Variants in SCFD2 observed in about 807,000 individuals in gnomAD.
SCFD2 encodes sec1 family domain containing 2, also known as sec1 family domain-containing protein 2.
A neutral mutation model predicts 58.9 loss-of-function variants in SCFD2; 54 were observed. That is an observed-to-expected ratio of 0.92 (90% CI 0.74 to 1.15). The LOEUF is 1.15. Ranked by LOEUF, SCFD2 falls within the 50% of genes most tolerant of loss-of-function variation. SCFD2 has a pLI of 0.00. For missense variants in SCFD2, 805 were observed against 836.6 expected, an observed-to-expected ratio of 0.96 and a Z score of 0.47; for synonymous variants, 321 against 335.9, an observed-to-expected ratio of 0.96 and a Z score of 0.49.
intron 4 of SCFD2, among the ~76,000 whole-genome samples, chr4:53,150,359 G>A (rs1445485540): frequency 6.6e-6 from 1 of 152,132 alleles, no homozygotes; most frequent in East Asian, 1.9e-4. Flanking sequence ...GAGGCAGGGT[G>A]GTCATCTGCC....
rs568506524 is a variant in SCFD2, at chr4:53,178,665, T to C, written c.1312-33083A>G. Among the ~76,000 whole-genome samples the C allele has an allele frequency of 1.8e-3, 269 of 151,844 alleles. 1 individual carries two copies. The highest frequency in any genetic ancestry group is 3.2e-3 in the Non-Finnish European group (216 of 67,958). On this transcript the variant is annotated intron_variant, in intron 4 of 8. Transcript: ENST00000401642. ...CTGGACGGAGAATGACTTTGACGAG[T>C]TGAGAGAAGAAGCCTTCAGACTATC...
At chr4:53,345,792 T>G (rs1173512006) in intron 2 of SCFD2, among the ~76,000 whole-genome samples, 1 of 152,188 alleles carries the variant, frequency 6.6e-6, no homozygotes, top group Non-Finnish European at 1.5e-5. Context: ...TTCATGTCCT[T>G]TTCAGGGACA....
chr4:53,000,086 T>C (rs1446663699), intron 5 of SCFD2, among the ~76,000 whole-genome samples: 1 of 152,180 alleles, frequency 6.6e-6, no homozygotes, highest in Non-Finnish European at 1.5e-5. Flanking sequence ...TAGCAGATGC[T>C]CACTAAATGG....
rs56129853 is a variant in SCFD2, at chr4:53,257,108, A to AACAC, written c.1311+16714_1311+16717dup. Reference sequence around the variant, plus strand: ...CATGCGCCCCTGAACCTAAAAGTGTAACACACACACACACACACGAAGCCA... The same window carrying AACAC: ...CATGCGCCCCTGAACCTAAAAGTGTAACACACACACACACACACACACGAAGCCA... On this transcript the variant is annotated intron_variant, in intron 4 of 8. Coordinates refer to ENST00000401642, the MANE Select transcript of SCFD2 (RefSeq NM_152540.4). 2.2e-3 allele frequency among the ~76,000 whole-genome samples: 337 copies of AACAC among 150,428 alleles called. 2 individuals are homozygous for AACAC. Among genetic ancestry groups the AACAC allele is most frequent in the Middle Eastern group, 0.014 (4 of 288 alleles).
At chr4:52,969,428 C>A (rs927296452) in intron 5 of SCFD2, among the ~76,000 whole-genome samples, 1 of 152,128 alleles carries the variant, frequency 6.6e-6, no homozygotes, top group Admixed American at 6.5e-5. Flanking sequence ...GAGTTCATGA[C>A]AGAATAGAAT....
intron 4 of SCFD2, among the ~76,000 whole-genome samples, chr4:53,181,642 G>C (rs190958815): frequency 3.3e-4 from 51 of 152,284 alleles, no homozygotes; most frequent in Non-Finnish European, 5.6e-4. Context: ...TATAGTGTTG[G>C]AAGTTCTGGC....
intron 4 of SCFD2, among the ~76,000 whole-genome samples, chr4:53,224,432 C>T (rs2148998475): frequency 6.6e-6 from 1 of 152,022 alleles, no homozygotes; most frequent in South Asian, 2.1e-4. Context: ...CCAGTTCCCG[C>T]AGAACAATTT....
At chr4:52,955,707 G>A (rs1393029128) in intron 5 of SCFD2, among the ~76,000 whole-genome samples, 2 of 152,114 alleles carry the variant, frequency 1.3e-5, no homozygotes, top group Non-Finnish European at 2.9e-5. Context: ...TTCATAAAAA[G>A]ACCCCAGCAG....
At chr4:53,337,082 G>T (rs139103776) in intron 2 of SCFD2, among the ~76,000 whole-genome samples, 1 of 151,376 alleles carries the variant, frequency 6.6e-6, no homozygotes, top group East Asian at 1.9e-4. Context: ...CCACAAACAG[G>T]GTGGCTTAAA....
At chr4:53,250,038 G>T (rs1730296286) in intron 4 of SCFD2, among the ~76,000 whole-genome samples, 1 of 152,134 alleles carries the variant, frequency 6.6e-6, no homozygotes, top group African/African-American at 2.4e-5. Flanking sequence ...CCATCAGTGT[G>T]CTGTATTCAG....
intron 4 of SCFD2, among the ~76,000 whole-genome samples, chr4:53,248,874 T>C (rs1040901250): frequency 6.6e-6 from 1 of 152,034 alleles, no homozygotes; most frequent in Admixed American, 6.5e-5. Flanking sequence ...ACAGAAAAAC[T>C]CGAAATTCTA....
At chr4:53,217,979 C>T (rs1445257681) in intron 4 of SCFD2, among the ~76,000 whole-genome samples, 1 of 152,236 alleles carries the variant, frequency 6.6e-6, no homozygotes. Context: ...CCCCCACTCT[C>T]TTCTGGCTTG....
rs566374038 is a variant in SCFD2 at position 52,888,844 on chromosome 4, C to T, written c.1843-2978G>A. Among the ~76,000 whole-genome samples the T allele has an allele frequency of 4.6e-5, 7 of 152,318 alleles. No individual in the cohort carries two copies. The East Asian group carries it at 1.3e-3, about 29-fold the overall frequency. ...CCTTCAATATCTTTTATGTACCTCT[C>T]AAACCTATGTCTTTTGCTCAGTCAT... On this transcript the variant is annotated intron_variant, in intron 7 of 8. Transcript: ENST00000401642.
intron 8 of SCFD2, 94 bp downstream of exon 8, chr4:52,885,653 G>A (rs1039113227): frequency 2.1e-6 from 3 of 1,451,824 alleles, no homozygotes; most frequent in Non-Finnish European, 2.9e-6. Flanking sequence ...GGCAGGCTAG[G>A]AGAGGGGCAC....
chr4:53,317,171 T>C (rs1325595704), intron 2 of SCFD2, among the ~76,000 whole-genome samples: 1 of 152,086 alleles, frequency 6.6e-6, no homozygotes, highest in African/African-American at 2.4e-5. Context: ...CTGCTTCCTG[T>C]CCTAAACAGT....
At chr4:53,230,575 G>A (rs1333710107) in intron 4 of SCFD2, among the ~76,000 whole-genome samples, 1 of 132,234 alleles carries the variant, frequency 7.6e-6, no homozygotes, top group Non-Finnish European at 1.5e-5. Context: ...TGAACACTGA[G>A]AACGCATGGA....
At chr4:52,964,896 A>G (rs1720927126) in intron 5 of SCFD2, among the ~76,000 whole-genome samples, 1 of 152,160 alleles carries the variant, frequency 6.6e-6, no homozygotes, top group Admixed American at 6.5e-5. Flanking sequence ...AGACAATGGT[A>G]TCAGTTCAGA....
chr4:52,909,471 G>T (rs1391356064), intron 6 of SCFD2, among the ~76,000 whole-genome samples: 4 of 152,208 alleles, frequency 2.6e-5, no homozygotes, highest in African/African-American at 9.6e-5. Context: ...AAAAGTGGCA[G>T]GGGGAATACG....
intron 4 of SCFD2, among the ~76,000 whole-genome samples, chr4:53,261,990 C>T (rs774393763): frequency 3.3e-5 from 5 of 151,984 alleles, no homozygotes; most frequent in Non-Finnish European, 7.4e-5. Context: ...TTGTACTAGT[C>T]CTTTTATCAT....
Sources: gnomAD v4.1 joint callset for allele counts (sites outside exome capture counted in the v4.1 genomes callset) on GRCh38, gnomAD v4.1.1 for gene constraint, MANE v1.5 for transcripts, NCBI Gene and HGNC (gene_info 2026-07-23, HGNC 2026-07-21) for gene names.